Variants in CREB5 observed in about 807,000 individuals in gnomAD.
The protein encoded by CREB5 is cyclic AMP-responsive element-binding protein 5.
CREB5 carries 19 observed loss-of-function variants against 57.1 expected under a neutral mutation model. That is an observed-to-expected ratio of 0.33 (90% CI 0.23 to 0.49). CREB5 has a LOEUF of 0.49. Ranked by LOEUF, CREB5 falls within the 20% of genes least tolerant of loss-of-function variation. The pLI, the probability that CREB5 is intolerant of heterozygous loss-of-function variation, is 0.99. For missense variants in CREB5, 579 were observed against 671.6 expected (o/e 0.86, Z 1.52); for synonymous variants, 238 against 238.3 (o/e 1.00, Z 0.01).
chr7:28,431,146 G>C (rs1788695282), intron 1 of CREB5, among the ~76,000 whole-genome samples: 1 of 152,138 alleles, frequency 6.6e-6, no homozygotes, highest in Non-Finnish European at 1.5e-5. Context: ...GACTTTCTTT[G>C]GGTTCAAATC....
intron 5 of CREB5, among the ~76,000 whole-genome samples, chr7:28,662,651 C>T (rs956726127): frequency 2.0e-5 from 3 of 152,182 alleles, no homozygotes; most frequent in African/African-American, 7.2e-5. Context: ...ACACACAGCC[C>T]TAAAGAGATG....
intron 4 of CREB5, among the ~76,000 whole-genome samples, chr7:28,512,787 G>C (rs1050212956): frequency 6.6e-6 from 1 of 152,182 alleles, no homozygotes; most frequent in African/African-American, 2.4e-5. Flanking sequence ...AAGATGAAAA[G>C]TGTGGTGTAT....
At chr7:28,518,053 G>A (rs1442134221) in intron 4 of CREB5, among the ~76,000 whole-genome samples, 3 of 152,128 alleles carry the variant, frequency 2.0e-5, no homozygotes, top group East Asian at 1.9e-4. Context: ...TCATTGTCTG[G>A]TGCTGAGGGT....
At chr7:28,532,271 G>A (rs1793763393) in intron 4 of CREB5, among the ~76,000 whole-genome samples, 1 of 152,204 alleles carries the variant, frequency 6.6e-6, no homozygotes, top group African/African-American at 2.4e-5. Flanking sequence ...ACCTTCAGAT[G>A]AATATAGCCC....
chr7:28,384,316 G>T (rs559892866), intron 1 of CREB5, among the ~76,000 whole-genome samples: 2 of 152,278 alleles, frequency 1.3e-5, no homozygotes, highest in African/African-American at 2.4e-5. Flanking sequence ...CAGCAAATTC[G>T]CATTCAAAGC....
intron 5 of CREB5, among the ~76,000 whole-genome samples, chr7:28,655,120 C>T (rs1394016739): frequency 6.6e-6 from 1 of 152,212 alleles, no homozygotes; most frequent in South Asian, 2.1e-4. Context: ...CCAGGCTGGT[C>T]TTGAACTCCT....
chr7:28,339,253 C>T (rs10249621), intron 1 of CREB5, among the ~76,000 whole-genome samples: 8,156 of 152,094 alleles, frequency 0.054, 730 homozygotes, highest in African/African-American at 0.19. Context: ...ATGTTTGTAG[C>T]CATCCTTCTT....
At chr7:28,522,411 T>C (rs1293592704) in intron 4 of CREB5, among the ~76,000 whole-genome samples, 6 of 102,960 alleles carry the variant, frequency 5.8e-5, no homozygotes, top group South Asian at 3.5e-4. Context: ...TTTTTTTTTT[T>C]CTGAGGTGGA....
chr7:28,756,753 G>A (rs1279294560), intron 7 of CREB5, among the ~76,000 whole-genome samples: 1 of 152,128 alleles, frequency 6.6e-6, no homozygotes, highest in Non-Finnish European at 1.5e-5. Flanking sequence ...GGTTATTAGT[G>A]TCAGCCACAA....
At chr7:28,597,412 C>G (rs1253755657) in intron 5 of CREB5, among the ~76,000 whole-genome samples, 3 of 152,090 alleles carry the variant, frequency 2.0e-5, no homozygotes, top group African/African-American at 7.2e-5. Context: ...ACTGGGGACC[C>G]TGAAAAAGAT....
chr7:28,719,984 C>T (rs901945083), intron 6 of CREB5, among the ~76,000 whole-genome samples: 3 of 152,144 alleles, frequency 2.0e-5, no homozygotes, highest in East Asian at 1.9e-4. Flanking sequence ...CGCTTGAACC[C>T]GGGAGGCGGA....
chr7:28,755,092 A>G (rs1427395229), intron 7 of CREB5, among the ~76,000 whole-genome samples: 1 of 152,202 alleles, frequency 6.6e-6, no homozygotes, highest in Admixed American at 6.5e-5. Flanking sequence ...AAATGAGAGC[A>G]TAAGATTGGT....
intron 1 of CREB5, among the ~76,000 whole-genome samples, chr7:28,367,732 C>G (rs1237928419): frequency 1.3e-5 from 2 of 152,138 alleles, no homozygotes; most frequent in African/African-American, 4.8e-5. Flanking sequence ...TGCTTGAACC[C>G]GGGAGGCAGA....
Position 28,822,834 on chromosome 7 carries a change from G to C in CREB5, c.*3555G>C, listed in dbSNP as rs775946353. The C allele has an allele frequency of 6.6e-6, 1 of 152,426 alleles. No homozygotes were observed. The highest frequency in any genetic ancestry group is 1.5e-5 in the Non-Finnish European group (1 of 68,034). The allele number at this position is 152,426 out of a possible 1,614,324, so 9.4% of individuals were successfully genotyped here. On this transcript the variant is annotated 3_prime_UTR_variant, in exon 11 of 11. Coordinates refer to ENST00000357727, the MANE Select transcript of CREB5 (RefSeq NM_182898.4). ...TAATTTGAAAGCCAAGTGTTAAGTC[G>C]GATGTTTTCCCGTTACACTACTACT...
chr7:28,788,736 G>C (rs1807480671), intron 7 of CREB5, among the ~76,000 whole-genome samples: 4 of 151,992 alleles, frequency 2.6e-5, no homozygotes, highest in Admixed American at 2.6e-4. Flanking sequence ...AATGAAGCAA[G>C]TGTTTGCCAG....
chr7:28,570,210 G>C (rs1583645152), intron 4 of CREB5, among the ~76,000 whole-genome samples, 155 bp from the exon 5 acceptor site: 1 of 152,118 alleles, frequency 6.6e-6, no homozygotes, highest in East Asian at 1.9e-4. Context: ...GTAGCTGTAT[G>C]TTATAACAAG....
intron 4 of CREB5, among the ~76,000 whole-genome samples, chr7:28,532,526 G>A (rs950750087): frequency 2.6e-5 from 4 of 152,182 alleles, no homozygotes; most frequent in Admixed American, 1.3e-4. Flanking sequence ...CAGTGTCATC[G>A]TGACAACTTC....
intron 4 of CREB5, among the ~76,000 whole-genome samples, chr7:28,534,557 C>T (rs1023331642): frequency 1.3e-5 from 2 of 152,224 alleles, no homozygotes; most frequent in Admixed American, 6.5e-5. Context: ...CCCAGTGTAA[C>T]AGGGCACTTC....
At chr7:28,338,372 G>T (rs564164831) in intron 1 of CREB5, among the ~76,000 whole-genome samples, 3 of 152,160 alleles carry the variant, frequency 2.0e-5, no homozygotes, top group African/African-American at 7.2e-5. Flanking sequence ...CATGTTTGAG[G>T]GATATTTTCA....
Sources: gnomAD v4.1 joint callset for allele counts (sites outside exome capture counted in the v4.1 genomes callset) on GRCh38, gnomAD v4.1.1 for gene constraint, MANE v1.5 for transcripts, NCBI Gene and HGNC (gene_info 2026-07-23, HGNC 2026-07-21) for gene names.